Variants in FHIT observed in about 807,000 individuals in gnomAD.
FHIT encodes the protein fragile histidine triad diadenosine triphosphatase, also known as bis(5'-adenosyl)-triphosphatase.
In FHIT, 19 loss-of-function variants were observed where a neutral mutation model predicts 17.9. That is an observed-to-expected ratio of 1.06 (90% CI 0.74 to 1.56). The LOEUF is 1.56. Among genes scored for constraint, FHIT ranks in the 40% most tolerant of loss-of-function variants. The probability of loss-of-function intolerance (pLI) is 0.00; values close to 1 mark genes in which losing one functional copy is unlikely to be tolerated. For missense variants in FHIT, 248 were observed against 189.2 expected (o/e 1.31, Z -1.82); for synonymous variants, 81 against 69.7 (o/e 1.16, Z -0.81).
At chr3:60,870,207 A>G (rs1056642373) in intron 3 of FHIT, among the ~76,000 whole-genome samples, 2 of 152,022 alleles carry the variant, frequency 1.3e-5, no homozygotes, top group Non-Finnish European at 2.9e-5. Flanking sequence ...GAGAAAACTA[A>G]TATTGCTCTG....
intron 2 of FHIT, among the ~76,000 whole-genome samples, chr3:61,187,166 A>G (rs901650455): frequency 6.6e-6 from 1 of 152,200 alleles, no homozygotes; most frequent in African/African-American, 2.4e-5. Context: ...TCAATATACA[A>G]ATAATGATTG....
chr3:60,081,449 CA>C (rs1285429518), intron 5 of FHIT, among the ~76,000 whole-genome samples: 2 of 152,100 alleles, frequency 1.3e-5, no homozygotes, highest in East Asian at 3.9e-4. Context: ...CCAAGGAAAA[CA>C]GAGTGATCCT....
chr3:61,081,826 A>C (rs1415777773), intron 2 of FHIT, among the ~76,000 whole-genome samples: 2 of 152,222 alleles, frequency 1.3e-5, no homozygotes, highest in Non-Finnish European at 2.9e-5. Context: ...TGAGGCAATG[A>C]GAGTTCAAAC....
rs752395179 is a variant in FHIT at position 60,013,998 on chromosome 3, T to C, written c.249+9A>G. On this transcript the variant is annotated intron_variant, in intron 6 of 9. Coordinates refer to ENST00000492590, the MANE Select transcript of FHIT (RefSeq NM_002012.4). ...AGAAAAATCATTTCTGAGAAATCTG[T>C]ACACTCACCTGCATGGAAAAGGTGA... The C allele has an allele frequency of 1.2e-6, 2 of 1,613,484 alleles. No individual in the cohort carries two copies. Among genetic ancestry groups the C allele is most frequent in the African/African-American group, 1.3e-5 (1 of 75,018 alleles).
intron 5 of FHIT, among the ~76,000 whole-genome samples, chr3:60,411,616 C>G (rs1206442051): frequency 6.6e-6 from 1 of 152,116 alleles, no homozygotes; most frequent in Non-Finnish European, 1.5e-5. Context: ...CCACATCATG[C>G]AAATGACAGG....
Position 60,860,792 on chromosome 3 carries a change from GA to G in FHIT, c.-110-38782del, listed in dbSNP as rs561094021. Among the ~76,000 whole-genome samples the G allele has an allele frequency of 5.8e-3, 33 of 5,700 alleles. 13 individuals are homozygous for G. The highest frequency in any genetic ancestry group is 9.9e-3 in the East Asian group (2 of 202). 3.7% of individuals were successfully genotyped at this position (5,700 alleles called of 152,430 possible). The stretch of plus-strand genomic sequence containing the variant: ...TATGTATCATATATCAGGTATATAT[GA>G]TACATATGTACATATATATCAGGTA... On this transcript the variant is annotated intron_variant, in intron 3 of 9. Coordinates refer to ENST00000492590, the MANE Select transcript of FHIT (RefSeq NM_002012.4).
intron 8 of FHIT, among the ~76,000 whole-genome samples, chr3:59,910,510 T>C (rs1375832335): frequency 6.6e-6 from 1 of 152,152 alleles, no homozygotes; most frequent in Non-Finnish European, 1.5e-5. Flanking sequence ...GGAGGAAGCA[T>C]TTTAGAAGAA....
chr3:61,104,290 T>C (rs2035927615), intron 2 of FHIT, among the ~76,000 whole-genome samples: 1 of 152,180 alleles, frequency 6.6e-6, no homozygotes, highest in Non-Finnish European at 1.5e-5. Context: ...AGCATTTGCT[T>C]GTCTGAAAAG....
At chr3:60,190,987 G>A (rs1384476031) in intron 5 of FHIT, among the ~76,000 whole-genome samples, 1 of 151,918 alleles carries the variant, frequency 6.6e-6, no homozygotes, top group Non-Finnish European at 1.5e-5. Flanking sequence ...TTTTTCCTGT[G>A]ACTGGGAGGC....
At chr3:60,315,023 G>A (rs538068167) in intron 5 of FHIT, among the ~76,000 whole-genome samples, 13 of 152,242 alleles carry the variant, frequency 8.5e-5, no homozygotes, top group Admixed American at 7.9e-4. Flanking sequence ...TTCAAATCCT[G>A]AATTGCTCTA....
chr3:60,492,778 T>C (rs1016042384), intron 5 of FHIT, among the ~76,000 whole-genome samples: 1 of 152,112 alleles, frequency 6.6e-6, no homozygotes, highest in African/African-American at 2.4e-5. Context: ...GACAGCAATT[T>C]TTTAGTTTGA....
intron 5 of FHIT, among the ~76,000 whole-genome samples, chr3:60,189,391 TTTTAA>T (rs1255997388): frequency 7.9e-5 from 12 of 152,292 alleles, no homozygotes; most frequent in South Asian, 2.1e-4. Context: ...TCACCTAATG[TTTTAA>T]TTTGAGTATC....
intron 3 of FHIT, among the ~76,000 whole-genome samples, chr3:60,953,572 G>C (rs1708984162): frequency 1.3e-5 from 2 of 152,144 alleles, no homozygotes; most frequent in Admixed American, 6.5e-5. Context: ...GGACTTGGCA[G>C]CTCCTTTTAT....
intron 2 of FHIT, among the ~76,000 whole-genome samples, chr3:61,094,520 G>A (rs2035580293): frequency 6.6e-6 from 1 of 152,132 alleles, no homozygotes; most frequent in Non-Finnish European, 1.5e-5. Context: ...CAGGACAGAT[G>A]CTTCAAGATC....
intron 4 of FHIT, among the ~76,000 whole-genome samples, chr3:60,727,547 G>A (rs915051193): frequency 2.6e-5 from 4 of 152,120 alleles, no homozygotes; most frequent in African/African-American, 9.7e-5. Flanking sequence ...AATGACGCAG[G>A]AGCCCCATTA....
intron 4 of FHIT, chr3:60,765,480 G>T (rs7634630): frequency 2.6e-5 from 4 of 152,096 alleles, no homozygotes; most frequent in South Asian, 2.1e-4. Context: ...AGTGGGTAAG[G>T]TTAGGGGGAA....
At chr3:60,093,839 A>C (rs1703830958) in intron 5 of FHIT, among the ~76,000 whole-genome samples, 1 of 152,202 alleles carries the variant, frequency 6.6e-6, no homozygotes, top group African/African-American at 2.4e-5. Context: ...TCTTCCATGA[A>C]ACAAGGTCCC....
intron 5 of FHIT, among the ~76,000 whole-genome samples, chr3:60,428,207 A>C (rs1702747076): frequency 6.6e-6 from 1 of 152,110 alleles, no homozygotes; most frequent in African/African-American, 2.4e-5. Flanking sequence ...AATTGCAATG[A>C]CCTAATCATA....
chr3:61,049,810 G>A (rs1018249711), intron 2 of FHIT, among the ~76,000 whole-genome samples: 2 of 152,156 alleles, frequency 1.3e-5, no homozygotes, highest in East Asian at 3.9e-4. Context: ...CCTGAAGCAG[G>A]TCATGAACCA....
Sources: gnomAD v4.1 joint callset for allele counts (sites outside exome capture counted in the v4.1 genomes callset) on GRCh38, gnomAD v4.1.1 for gene constraint, MANE v1.5 for transcripts, NCBI Gene and HGNC (gene_info 2026-07-23, HGNC 2026-07-21) for gene names.